Variants in MYRIP observed in about 807,000 individuals in gnomAD.
MYRIP encodes myosin VIIA and Rab interacting protein.
A neutral mutation model predicts 98.0 loss-of-function variants in MYRIP; 49 were observed. The observed-to-expected ratio is 0.50, with a 90% confidence interval of 0.40 to 0.63. MYRIP has a LOEUF of 0.63. Ranked by LOEUF, MYRIP falls within the 30% of genes least tolerant of loss-of-function variation. MYRIP has a pLI of 0.00. For synonymous variants in MYRIP, 404 were observed against 409.5 expected (o/e 0.99, Z 0.16); for missense variants, 1,004 against 1,058.2 (o/e 0.95, Z 0.71).
intron 1 of MYRIP, among the ~76,000 whole-genome samples, chr3:39,834,829 A>G (rs1425629554): frequency 6.6e-6 from 1 of 152,098 alleles, no homozygotes; most frequent in Admixed American, 6.6e-5. Context: ...ATACAATCAC[A>G]TTTCTACCCA....
chr3:40,194,238 C>T, intron 10 of MYRIP, among the ~76,000 whole-genome samples: 1 of 151,856 alleles, frequency 6.6e-6, no homozygotes, highest in East Asian at 1.9e-4. Flanking sequence ...GTACTTTATC[C>T]TTCTGGGTGA....
intron 3 of MYRIP, among the ~76,000 whole-genome samples, chr3:40,089,709 G>C (rs1230444160): frequency 6.6e-6 from 1 of 152,172 alleles, no homozygotes; most frequent in Non-Finnish European, 1.5e-5. Flanking sequence ...TTATATGTTT[G>C]TTCCAAGGGA....
intron 3 of MYRIP, among the ~76,000 whole-genome samples, chr3:40,123,025 C>T (rs1391783764): frequency 6.6e-6 from 1 of 152,094 alleles, no homozygotes; most frequent in East Asian, 1.9e-4. Context: ...TTGAATTTTT[C>T]ACTTGAGAAA....
At chr3:40,009,249 T>C (rs1359500483) in intron 2 of MYRIP, among the ~76,000 whole-genome samples, 3 of 151,336 alleles carry the variant, frequency 2.0e-5, no homozygotes, top group Non-Finnish European at 3.0e-5. Context: ...TTTTTTTTTT[T>C]TTTTTGAGAC....
chr3:40,060,183 G>A (rs1947977679), intron 3 of MYRIP, among the ~76,000 whole-genome samples: 1 of 152,158 alleles, frequency 6.6e-6, no homozygotes, highest in South Asian at 2.1e-4. Flanking sequence ...CATTAATTTT[G>A]TCCCTCAGGG....
At chr3:39,837,439 G>T (rs956051334) in intron 1 of MYRIP, among the ~76,000 whole-genome samples, 1 of 152,028 alleles carries the variant, frequency 6.6e-6, no homozygotes, top group Admixed American at 6.5e-5. Flanking sequence ...TATATGGCTC[G>T]TCAGTTTTCC....
At chr3:40,241,460 C>T (rs931180745) in intron 12 of MYRIP, among the ~76,000 whole-genome samples, 2 of 152,102 alleles carry the variant, frequency 1.3e-5, no homozygotes, top group African/African-American at 4.8e-5. Context: ...ACATTAGTCC[C>T]CTAAAGTATA....
At chr3:40,130,570 C>A (rs1404347239) in intron 3 of MYRIP, among the ~76,000 whole-genome samples, 1 of 151,432 alleles carries the variant, frequency 6.6e-6, no homozygotes, top group South Asian at 2.1e-4. Flanking sequence ...TTAGTAGAGA[C>A]GGGGTTTCAC....
chr3:39,967,705 G>A (rs6599069), intron 2 of MYRIP, among the ~76,000 whole-genome samples: 26,083 of 152,064 alleles, frequency 0.17, 4,128 homozygotes, highest in African/African-American at 0.42. Flanking sequence ...CACTAACAGT[G>A]TATAAGTGTT....
intron 2 of MYRIP, among the ~76,000 whole-genome samples, chr3:39,952,204 A>G (rs1264481879): frequency 6.6e-6 from 1 of 152,124 alleles, no homozygotes; most frequent in Non-Finnish European, 1.5e-5. Flanking sequence ...TAGTTTCTCC[A>G]TGTTGTAGCA....
At chr3:39,974,246 A>G (rs1436136531) in intron 2 of MYRIP, among the ~76,000 whole-genome samples, 1 of 152,172 alleles carries the variant, frequency 6.6e-6, no homozygotes, top group African/African-American at 2.4e-5. Context: ...AGAAATACAA[A>G]CTACCATCAG....
At chr3:39,937,836 A>C (rs188042422) in intron 2 of MYRIP, among the ~76,000 whole-genome samples, 1 of 152,236 alleles carries the variant, frequency 6.6e-6, no homozygotes, top group Non-Finnish European at 1.5e-5. Context: ...CTCCACTGAT[A>C]TATACTATGT....
intron 3 of MYRIP, among the ~76,000 whole-genome samples, chr3:40,046,325 T>A (rs1947667363): frequency 6.6e-6 from 1 of 151,990 alleles, no homozygotes; most frequent in Non-Finnish European, 1.5e-5. Flanking sequence ...CTGCATGCGC[T>A]ACACTGACGT....
intron 5 of MYRIP, among the ~76,000 whole-genome samples, chr3:40,166,159 TAG>T (rs369416978): frequency 5.9e-5 from 9 of 152,302 alleles, no homozygotes; most frequent in African/African-American, 2.2e-4. Flanking sequence ...AATTATACCA[TAG>T]AGTTTATATT....
At chr3:39,981,155 C>T (rs1945884280) in intron 2 of MYRIP, among the ~76,000 whole-genome samples, 2 of 152,186 alleles carry the variant, frequency 1.3e-5, no homozygotes, top group African/African-American at 4.8e-5. Flanking sequence ...AGAGAAACCT[C>T]TTGCCTTTAC....
intron 2 of MYRIP, among the ~76,000 whole-genome samples, chr3:39,960,654 G>A (rs990327688): frequency 3.9e-5 from 6 of 152,088 alleles, no homozygotes; most frequent in South Asian, 2.1e-4. Context: ...CACTATTGGC[G>A]CCACATATAT....
chr3:40,224,368 A>G (rs981580530), intron 11 of MYRIP, among the ~76,000 whole-genome samples: 15 of 151,968 alleles, frequency 9.9e-5, no homozygotes, highest in Non-Finnish European at 2.1e-4. Flanking sequence ...AATGTTTCCA[A>G]TCAATATTAG....
rs538956620 is a variant in MYRIP, at chr3:40,156,672, G to T, written c.469+5488G>T. Among the ~76,000 whole-genome samples the T allele has an allele frequency of 9.0e-3, 1,368 of 151,254 alleles. 22 individuals are homozygous for T. Among genetic ancestry groups the T allele is most frequent in the African/African-American group, 0.03 (1,246 of 41,134 alleles). On this transcript the variant is annotated intron_variant, in intron 4 of 16. Transcript: ENST00000302541. ...TTTGTATCCTCTTTTATTTCCTTGAGCAGTGGTTTGTAGTTCTCCTTGAAG... is the reference window on the plus strand; with the variant it reads ...TTTGTATCCTCTTTTATTTCCTTGATCAGTGGTTTGTAGTTCTCCTTGAAG...
intron 1 of MYRIP, among the ~76,000 whole-genome samples, chr3:39,845,567 G>A (rs958964050): frequency 6.6e-6 from 1 of 152,060 alleles, no homozygotes; most frequent in African/African-American, 2.4e-5. Flanking sequence ...ATCTTATTTA[G>A]TACGAATAGT....
Sources: allele counts gnomAD v4.1 joint callset (sites outside exome capture counted in the v4.1 genomes callset), GRCh38; gene constraint gnomAD v4.1.1; transcripts MANE v1.5; gene names NCBI Gene and HGNC (gene_info 2026-07-23, HGNC 2026-07-21).